The following PCDHGA10 variants were observed in gnomAD, a reference collection of about 807,000 sequenced individuals.
PCDHGA10 encodes the protein protocadherin gamma-A10.
In PCDHGA10, 42 loss-of-function variants were observed where a neutral mutation model predicts 59.5. The observed-to-expected ratio is 0.71, with a 90% CI of 0.55 to 0.91. PCDHGA10 has a LOEUF of 0.91. Ranked by LOEUF, PCDHGA10 falls within the 40% of genes least tolerant of loss-of-function variation. PCDHGA10 has a pLI of 0.00. For missense variants in PCDHGA10, 1,111 were observed against 1,198.2 expected (o/e 0.93, Z 1.07); for synonymous variants, 511 against 517.2 (o/e 0.99, Z 0.16).
chr5:141,423,760 G>T, intron 1 of PCDHGA10: 23 of 279,644 alleles, frequency 8.2e-5, no homozygotes, highest in South Asian at 2.0e-4. Flanking sequence ...TGGGGGGGGG[G>T]TGGGGCGGCA....
At chr5:141,438,621 TATATATATATATATACAC>T (rs1369797568) in intron 1 of PCDHGA10, among the ~76,000 whole-genome samples, 6 of 41,386 alleles carry the variant, frequency 1.4e-4, no homozygotes, top group South Asian at 9.0e-4. Context: ...TATATATATA[TATATATATATATATACAC>T]ACACACACAC....
chr5:141,474,772 G>A (rs1053853138), intron 1 of PCDHGA10, among the ~76,000 whole-genome samples: 2 of 152,182 alleles, frequency 1.3e-5, no homozygotes, highest in Non-Finnish European at 2.9e-5. Flanking sequence ...AATAGTATGA[G>A]GCTCTAACAC....
rs758472270 is a variant in PCDHGA10 at position 141,414,908 on chromosome 5, G to A, written c.1733G>A (p.Gly578Asp). 1.2e-5 allele frequency: 19 copies of A among 1,614,188 alleles called. No individual in the cohort carries two copies. Among genetic ancestry groups the A allele is most frequent in the Non-Finnish European group, 1.6e-5 (19 of 1,180,048 alleles). ...YPALPTDGST[G>D]VELAPRSAEP... ...GCCCTCCCCACAGACGGTTCCACAG[G>A]CGTGGAGCTGGCGCCCCGCTCCGCA... The change falls in exon 1 of 4, where the codon GGC becomes GAC. Residue 578 changes from glycine (G) to aspartate (D), a missense_variant. Gly to Asp is a moderately conservative substitution (Grantham distance 94). Transcript: ENST00000398610.
intron 1 of PCDHGA10, chr5:141,417,577 C>A: frequency 2.3e-6 from 1 of 439,676 alleles, no homozygotes; most frequent in Non-Finnish European, 4.0e-6. Flanking sequence ...AAGTTGCAGT[C>A]CCACACAGAG....
rs771256149 is a variant in PCDHGA10 at position 141,414,351 on chromosome 5, G to A, written c.1176G>A (p.Ala392=). 16 of 1,613,676 alleles carry A rather than the reference G, an allele frequency of 9.9e-6. No homozygotes were observed. Among genetic ancestry groups the A allele is most frequent in the South Asian group, 6.6e-5 (6 of 91,086 alleles). ...GACAGGTAACCTGTTCCATTTTGGC[G>A]TATCTACCATTTAAATTAGAAAAGT... ...QNGQVTCSIL[A]YLPFKLEKSI... The change falls in exon 1 of 4, where the codon GCG becomes GCA. Residue 392 remains alanine (A), a synonymous_variant. Coordinates refer to ENST00000398610, the MANE Select transcript of PCDHGA10 (RefSeq NM_018913.3).
chr5:141,440,181 G>A (rs1419736461), intron 1 of PCDHGA10: 7 of 152,312 alleles, frequency 4.6e-5, no homozygotes, highest in Non-Finnish European at 8.8e-5. Context: ...CTTTGAAATA[G>A]TTGAAGGCCA....
At chr5:141,418,068 C>T (rs1292846589) in intron 1 of PCDHGA10, 4 of 1,614,002 alleles carry the variant, frequency 2.5e-6, no homozygotes, top group Non-Finnish European at 3.4e-6. Flanking sequence ...CGAGTGAGCG[C>T]GGAGAAGCTG....
chr5:141,510,893 G>C (rs1334514746), intron 3 of PCDHGA10, 54 bp from the exon 4 acceptor site: 1 of 1,612,722 alleles, frequency 6.2e-7, no homozygotes, highest in African/African-American at 1.3e-5. Context: ...ATAAGACAGT[G>C]ACTGTTGAGG....
rs768074414 is a variant in PCDHGA10 at position 141,477,293 on chromosome 5, C to T, written c.2437-17514C>T. 8.1e-6 allele frequency: 13 copies of T among 1,614,180 alleles called. No homozygotes were observed. The highest frequency in any genetic ancestry group is 1.1e-5 in the Non-Finnish European group (13 of 1,180,036). ...CGGGCTGGTGACCTGCGAAGTTCCA[C>T]CGGGTCTCCCTTTCAGCCTTACTTC... On this transcript the variant is annotated intron_variant, in intron 1 of 3. Coordinates refer to ENST00000398610, the MANE Select transcript of PCDHGA10 (RefSeq NM_018913.3). This position sits in a 1 kb window ranked among gnomAD's most constrained non-coding sequence, Gnocchi z 4.9.
At chr5:141,467,736 G>T (rs1435480730) in intron 1 of PCDHGA10, among the ~76,000 whole-genome samples, 1 of 151,902 alleles carries the variant, frequency 6.6e-6, no homozygotes, top group Admixed American at 6.6e-5. Context: ...ATCCCAGCTC[G>T]CTGCAACCTC....
intron 1 of PCDHGA10, among the ~76,000 whole-genome samples, chr5:141,457,215 T>C (rs1356941645): frequency 1.3e-5 from 2 of 152,186 alleles, no homozygotes; most frequent in South Asian, 2.1e-4. Flanking sequence ...AAATGTGGTG[T>C]GGTAGGTAAT....
rs1317111249 is a variant in PCDHGA10, at chr5:141,413,333, C to A, written c.158C>A (p.Ser53Tyr). 3.1e-6 allele frequency: 5 copies of A among 1,613,966 alleles called. No individual in the cohort carries two copies. The Admixed American group carries it at 6.7e-5, about 22-fold the overall frequency. The change falls in exon 1 of 4, where the codon TCC becomes TAC. Residue 53 changes from serine to tyrosine, a missense_variant. Physicochemically the swap from Ser to Tyr is moderately radical, Grantham distance 144 (BLOSUM62 -2). Coordinates refer to ENST00000398610, the MANE Select transcript of PCDHGA10 (RefSeq NM_018913.3). ...AAAGGCTCTTTCGTGGGCAACATCTCCAAGGACTTGGGTCTGGCGCCCCGG... is the reference window on the plus strand; with the variant it reads ...AAAGGCTCTTTCGTGGGCAACATCTACAAGGACTTGGGTCTGGCGCCCCGG... ...LEKGSFVGNI[S>Y]KDLGLAPREL... is the part of the protein sequence containing the mutation.
Position 141,431,915 on chromosome 5 carries a change from A to G in PCDHGA10, c.2436+16304A>G. 1 of 1,614,040 alleles carries G rather than the reference A, an allele frequency of 6.2e-7. No homozygotes were observed. The highest frequency in any genetic ancestry group is 8.5e-7 in the Non-Finnish European group (1 of 1,179,854). On this transcript the variant is annotated intron_variant, in intron 1 of 3. Coordinates refer to ENST00000398610, the MANE Select transcript of PCDHGA10 (RefSeq NM_018913.3). The surrounding 1 kb of genome is among the most constrained non-coding windows in gnomAD (Gnocchi z 4.8). ...GGAAAACGGACAGGTGATCTGTTTC[A>G]TCCAAGGAAATCTGCCCTTTAAATT...
chr5:141,454,998 G>A (rs909142112), intron 1 of PCDHGA10, among the ~76,000 whole-genome samples: 1 of 151,220 alleles, frequency 6.6e-6, no homozygotes, highest in Admixed American at 6.6e-5. Flanking sequence ...ATTTTTAGTA[G>A]AGACGGGGTT....
At chr5:141,441,734 G>GAT in intron 1 of PCDHGA10, 1 of 364,808 alleles carries the variant, frequency 2.7e-6, no homozygotes, top group South Asian at 2.2e-5. Context: ...ACCAGGACTA[G>GAT]CTCGCGCTCG....
In PCDHGA10 at chr5:141,477,875, G is replaced by A. The variant is rs760433987; in HGVS notation, c.2437-16932G>A. Reference sequence around the variant, plus strand: ...GATGCTGCCTCGAGGTACCTCAGCTGGCCACCTAGTGTCACGGGTGGTAGG... The same window carrying A: ...GATGCTGCCTCGAGGTACCTCAGCTAGCCACCTAGTGTCACGGGTGGTAGG... On this transcript the variant is annotated intron_variant, in intron 1 of 3. Coordinates refer to ENST00000398610, the MANE Select transcript of PCDHGA10 (RefSeq NM_018913.3). The surrounding 1 kb of genome is among the most constrained non-coding windows in gnomAD (Gnocchi z 4.9). 1 of 1,614,162 alleles carries A rather than the reference G, an allele frequency of 6.2e-7. No homozygotes were observed. Among genetic ancestry groups the A allele is most frequent in the Non-Finnish European group, 8.5e-7 (1 of 1,180,028 alleles).
intron 2 of PCDHGA10, among the ~76,000 whole-genome samples, chr5:141,500,189 TTTATTTA>T (rs1562193869): frequency 4.5e-5 from 5 of 110,894 alleles, no homozygotes; most frequent in African/African-American, 1.8e-4. Context: ...TTTATTTTTA[TTTATTTA>T]TTTATTTATT....
Position 141,415,400 on chromosome 5 carries a change from C to G in PCDHGA10, c.2225C>G (p.Ser742Trp), listed in dbSNP as rs754292889. The stretch of plus-strand genomic sequence containing the variant: ...GGCGGCTTGACAGGTGTGTCCGGCT[C>G]GCACTTTGTGGGCGTGGACGGGGTT... ...SGGGLTGVSG[S>W]HFVGVDGVRA... Residue 742 changes from serine (S) to tryptophan (W), a missense_variant, in exon 1 of 4, where the codon TCG (serine) becomes TGG (tryptophan). Physicochemically the swap from Ser to Trp is radical, Grantham distance 177. Transcript: ENST00000398610. 1.9e-6 allele frequency: 3 copies of G among 1,614,110 alleles called. No homozygotes were observed. Among genetic ancestry groups the G allele is most frequent in the Non-Finnish European group, 2.5e-6 (3 of 1,180,050 alleles).
At chr5:141,458,289 T>G (rs2154566205) in intron 1 of PCDHGA10, among the ~76,000 whole-genome samples, 1 of 152,280 alleles carries the variant, frequency 6.6e-6, no homozygotes, top group African/African-American at 2.4e-5. Flanking sequence ...CTGGTCCTCA[T>G]GCTGGTTTAG....
Sources: gnomAD v4.1 joint callset for allele counts (sites outside exome capture counted in the v4.1 genomes callset) on GRCh38, gnomAD v4.1.1 for gene constraint, Gnocchi (gnomAD v3.1) non-coding constraint, MANE v1.5 for transcripts, NCBI Gene and HGNC (gene_info 2026-07-23, HGNC 2026-07-21) for gene names.